The following ADGRG7 variants were observed in gnomAD, a reference collection of about 807,000 sequenced individuals.
The protein encoded by ADGRG7 is adhesion G protein-coupled receptor G7.
A neutral mutation model predicts 88.6 loss-of-function variants in ADGRG7; 82 were observed. The ratio of observed to expected loss-of-function variants is 0.93; its 90% CI spans 0.77 to 1.11. The LOEUF is 1.11. Among genes scored for constraint, ADGRG7 ranks in the 50% most tolerant of loss-of-function variants. ADGRG7 has a pLI of 0.00. For missense variants in ADGRG7, 945 were observed against 953.4 expected, an observed-to-expected ratio of 0.99 and a Z score of 0.12; for synonymous variants, 381 against 345.2, an observed-to-expected ratio of 1.10 and a Z score of -1.15.
chr3:100,662,870 GA>G (rs35226815), intron 14 of ADGRG7, among the ~76,000 whole-genome samples: 1 of 151,816 alleles, frequency 6.6e-6, no homozygotes. Context: ...GGGGATGGCA[GA>G]AAAAAGACAC....
At position 100,695,304 on chromosome 3, in the gene ADGRG7, A is replaced by C; in HGVS notation, c.*303A>C. 2 of 269,246 alleles carry C rather than the reference A, an allele frequency of 7.4e-6. No individual in the cohort carries two copies. Among genetic ancestry groups the C allele is most frequent in the South Asian group, 1.4e-4 (2 of 14,670 alleles). 16.7% of individuals were successfully genotyped at this position (269,246 alleles called of 1,614,324 possible). ...GACAAAAATGTAGAACCTATAACAA[A>C]TTCTTTTACAAGTTACTATAAAGGA... On this transcript the variant is annotated 3_prime_UTR_variant, in exon 16 of 16. Transcript: ENST00000273352.
In ADGRG7 at chr3:100,649,827, C is replaced by G; in HGVS notation, c.1379+20C>G. 3 of 1,387,998 alleles carry G rather than the reference C, an allele frequency of 2.2e-6. No individual in the cohort carries two copies. Among genetic ancestry groups the G allele is most frequent in the Non-Finnish European group, 3.1e-6 (3 of 980,946 alleles). 86.0% of individuals were successfully genotyped at this position (1,387,998 alleles called of 1,614,324 possible). ...CACCAGGTAAGAGCAGAAGCAGGCT[C>G]TTTTCAGAAGAGAAATTGCTATCTT... On this transcript the variant is annotated intron_variant, in intron 11 of 15. Transcript: ENST00000273352.
intron 2 of ADGRG7, 147 bp from the exon 3 acceptor site, chr3:100,630,558 A>G: frequency 2.6e-6 from 1 of 381,108 alleles, no homozygotes; most frequent in Non-Finnish European, 4.6e-6. Flanking sequence ...ATAGCAAAGT[A>G]TAGAAGTTCC....
At chr3:100,650,716 T>G (rs1048234483) in intron 11 of ADGRG7, among the ~76,000 whole-genome samples, 7 of 152,164 alleles carry the variant, frequency 4.6e-5, no homozygotes, top group Non-Finnish European at 7.4e-5. Context: ...ATTTCCACAT[T>G]TTTTCCCTGT....
At chr3:100,649,032 T>A (rs1464514369) in intron 10 of ADGRG7, among the ~76,000 whole-genome samples, 1 of 152,236 alleles carries the variant, frequency 6.6e-6, no homozygotes, top group Non-Finnish European at 1.5e-5. Context: ...AAAATATTTC[T>A]GCAACTTTAT....
At position 100,694,994 on chromosome 3, in the gene ADGRG7, G is replaced by C; in HGVS notation, c.2387G>C (p.Ser796Thr). ...TCTGAAAGTGACAATGCAAAGGAAA[G>C]CATCTAGACAGTAAAACTTACCTGT... ...TLSESDNAKE[S>T]I The change falls in exon 16 of 16, where the codon AGC becomes ACC. Residue 796 changes from serine (S) to threonine (T), a missense_variant. Coordinates refer to ENST00000273352, the MANE Select transcript of ADGRG7 (RefSeq NM_032787.3). 6.2e-7 allele frequency: 1 copy of C among 1,613,290 alleles called. No individual in the cohort carries two copies. The highest frequency in any genetic ancestry group is 1.1e-5 in the South Asian group (1 of 90,998).
At chr3:100,631,440 A>G (rs1362011402) in intron 3 of ADGRG7, among the ~76,000 whole-genome samples, 1 of 152,156 alleles carries the variant, frequency 6.6e-6, no homozygotes, top group Non-Finnish European at 1.5e-5. Context: ...TTCTGAGTGT[A>G]GGCTTTAGGA....
rs752195611 is a variant in ADGRG7, at chr3:100,643,646, C to G, written c.946+13C>G. 3 of 1,560,680 alleles carry G rather than the reference C, an allele frequency of 1.9e-6. No homozygotes were observed. Among genetic ancestry groups the G allele is most frequent in the Admixed American group, 1.8e-5 (1 of 56,920 alleles). ...AATATGACGAAAAGTAAGTCTCAAACTTTGTGACATTTAAAAAAATGGACT... is the reference window on the plus strand; with the variant it reads ...AATATGACGAAAAGTAAGTCTCAAAGTTTGTGACATTTAAAAAAATGGACT... On this transcript the variant is annotated intron_variant, in intron 8 of 15. Coordinates refer to ENST00000273352, the MANE Select transcript of ADGRG7 (RefSeq NM_032787.3).
chr3:100,686,626 A>C (rs1268247265), intron 15 of ADGRG7, among the ~76,000 whole-genome samples: 4 of 152,224 alleles, frequency 2.6e-5, no homozygotes, highest in Non-Finnish European at 5.9e-5. Flanking sequence ...TATTTATTAA[A>C]TAGGGAATCC....
At chr3:100,680,773 A>G (rs974222777) in intron 15 of ADGRG7, among the ~76,000 whole-genome samples, 4 of 152,144 alleles carry the variant, frequency 2.6e-5, no homozygotes, top group Non-Finnish European at 5.9e-5. Context: ...GTATACGTTT[A>G]TGTATTACAT....
In ADGRG7 at chr3:100,629,187, C is replaced by T. The variant is rs950693784; in HGVS notation, c.116-411C>T. ...ATCCAGTCCACATACTATCTCTTACCGGGTCTTCTTGGCTAGGTTACCTCT... is the reference window on the plus strand; with the variant it reads ...ATCCAGTCCACATACTATCTCTTACTGGGTCTTCTTGGCTAGGTTACCTCT... On this transcript the variant is annotated intron_variant, in intron 1 of 15. Transcript: ENST00000273352. 2.6e-5 allele frequency among the ~76,000 whole-genome samples: 4 copies of T among 151,978 alleles called. 1 individual carries two copies. Among genetic ancestry groups the T allele is most frequent in the African/African-American group, 4.8e-5 (2 of 41,366 alleles).
chr3:100,622,951 GGGTTTTGAGACCA>G (rs2149014099), intron 1 of ADGRG7, among the ~76,000 whole-genome samples: 1 of 150,662 alleles, frequency 6.6e-6, no homozygotes, highest in East Asian at 2.0e-4. Flanking sequence ...GGTAGAGACA[GGGTTTTGAGACCA>G]GGTTGGCCAG....
intron 1 of ADGRG7, among the ~76,000 whole-genome samples, chr3:100,616,044 C>T (rs1707220886): frequency 6.6e-6 from 1 of 152,144 alleles, no homozygotes. Context: ...AAACCCCAGG[C>T]TTTACAATCT....
rs368451362 is a variant in ADGRG7, at chr3:100,694,222, A to C, written c.2137-522A>C. ...ATGGCAGTTTTTACTGGAAACATAT[A>C]GAAAATATTATTCAGTGTTTTGTGG... is the stretch of plus-strand genomic sequence containing the variant. On this transcript the variant is annotated intron_variant, in intron 15 of 15. Coordinates refer to ENST00000273352, the MANE Select transcript of ADGRG7 (RefSeq NM_032787.3). Among the ~76,000 whole-genome samples the C allele has an allele frequency of 8.5e-5, 13 of 152,370 alleles. No homozygotes were observed. In the South Asian group the frequency reaches 2.5e-3, roughly 29 times the overall value.
chr3:100,663,978 G>A (rs1420658017), intron 14 of ADGRG7, among the ~76,000 whole-genome samples: 1 of 151,894 alleles, frequency 6.6e-6, no homozygotes, highest in Non-Finnish European at 1.5e-5. Flanking sequence ...ATTATCTATG[G>A]CCAAAGTTTT....
intron 15 of ADGRG7, among the ~76,000 whole-genome samples, chr3:100,691,893 A>G (rs2094994610): frequency 6.6e-6 from 1 of 152,136 alleles, no homozygotes; most frequent in African/African-American, 2.4e-5. Flanking sequence ...CAGTACTCTG[A>G]GTGCAAGGAA....
Position 100,609,695 on chromosome 3 carries a change from A to C in ADGRG7, c.-162A>C, listed in dbSNP as rs1576307983. On this transcript the variant is annotated 5_prime_UTR_variant, in exon 1 of 16. The change abolishes the stop of an existing upstream ORF in the 5' untranslated region. Coordinates refer to ENST00000273352, the MANE Select transcript of ADGRG7 (RefSeq NM_032787.3). ...GATTCAAACTGCATCCTACTGGATT[A>C]GCCTCAAAAGTCCTAAAATACAAAG... 9.2e-5 allele frequency: 51 copies of C among 554,260 alleles called. 1 individual carries two copies. The East Asian group carries it at 1.7e-3, about 18-fold the overall frequency. The allele number at this position is 554,260 out of a possible 1,614,324, so 34.3% of individuals were successfully genotyped here.
At chr3:100,621,670 G>A (rs1336398360) in intron 1 of ADGRG7, among the ~76,000 whole-genome samples, 1 of 152,232 alleles carries the variant, frequency 6.6e-6, no homozygotes, top group Non-Finnish European at 1.5e-5. Context: ...GCAAAGGAAA[G>A]CAGCAAGTGC....
chr3:100,684,282 G>T (rs201665079), intron 15 of ADGRG7, among the ~76,000 whole-genome samples: 4 of 10,562 alleles, frequency 3.8e-4, no homozygotes, highest in South Asian at 5.6e-3. Context: ...TTTATTTATT[G>T]AGACAGGGTC....
Sources: allele counts gnomAD v4.1 joint callset (sites outside exome capture counted in the v4.1 genomes callset), GRCh38; gene constraint gnomAD v4.1.1; transcripts MANE v1.5; gene names NCBI Gene and HGNC (gene_info 2026-07-23, HGNC 2026-07-21).